DYNC2H1: variants seen among roughly 807,000 people sequenced by gnomAD.
DYNC2H1 encodes the protein cytoplasmic dynein 2 heavy chain 1.
A neutral mutation model predicts 570.0 loss-of-function variants in DYNC2H1; 410 were observed. That is an observed-to-expected ratio of 0.72 (90% confidence interval 0.66 to 0.78). The LOEUF (loss-of-function observed/expected upper bound fraction) is 0.78, where lower values mean the gene tolerates loss of function less well. DYNC2H1 is among the 30% of genes least tolerant of loss of function. The pLI is 0.00. For synonymous variants in DYNC2H1, 1,688 were observed against 1,677.6 expected, an observed-to-expected ratio of 1.01 and a Z score of -0.15; for missense variants, 4,865 against 5,046.4, an observed-to-expected ratio of 0.96 and a Z score of 1.09.
chr11:103,288,880 C>CAAAAAA (rs546404582), intron 75 of DYNC2H1, among the ~76,000 whole-genome samples: 122 of 80,018 alleles, frequency 1.5e-3, no homozygotes, highest in Admixed American at 2.0e-3. Context: ...GACTCAATCT[C>CAAAAAA]AAAAAAAAAA....
intron 60 of DYNC2H1, among the ~76,000 whole-genome samples, chr11:103,231,884 C>A (rs1489567082): frequency 2.6e-5 from 4 of 151,874 alleles, no homozygotes; most frequent in African/African-American, 9.7e-5. Flanking sequence ...CTCTCTCCCC[C>A]TCTCTCTCTT....
intron 84 of DYNC2H1, among the ~76,000 whole-genome samples, chr11:103,433,633 C>T (rs1163732980): frequency 6.6e-6 from 1 of 152,072 alleles, no homozygotes; most frequent in Non-Finnish European, 1.5e-5. Context: ...GCCCTCTAGG[C>T]AGAAATTATT....
chr11:103,301,982 C>G (rs1165156425), intron 75 of DYNC2H1, among the ~76,000 whole-genome samples: 1 of 151,926 alleles, frequency 6.6e-6, no homozygotes. Context: ...TAGCTCAATT[C>G]AAACAAGTAT....
chr11:103,200,191 A>G, intron 50 of DYNC2H1, 37 bp downstream of exon 50: 1 of 1,377,734 alleles, frequency 7.3e-7, no homozygotes, highest in South Asian at 1.4e-5. Context: ...AAATAAAAAT[A>G]ATGGCATAAA....
intron 6 of DYNC2H1, among the ~76,000 whole-genome samples, chr11:103,119,367 T>C (rs943909612): frequency 3.3e-5 from 5 of 152,070 alleles, no homozygotes; most frequent in African/African-American, 1.2e-4. Flanking sequence ...TGAGATGGAA[T>C]CTCGATATGT....
At chr11:103,342,425 GT>G (rs1939501921) in intron 82 of DYNC2H1, among the ~76,000 whole-genome samples, 1 of 151,964 alleles carries the variant, frequency 6.6e-6, no homozygotes, top group Non-Finnish European at 1.5e-5. Context: ...AGCTGCTCCA[GT>G]CCCCTTCCAC....
chr11:103,148,021 C>A lies in DYNC2H1; in HGVS notation c.2818+134C>A, dbSNP rs1860332977. On this transcript the variant is annotated intron_variant, in intron 19 of 88. Coordinates refer to ENST00000375735, the MANE Select transcript of DYNC2H1 (RefSeq NM_001377.3). Reference sequence around the variant, plus strand: ...CTAATTTAAAAAAAGCAGGAAAAGTCCATATTCAATCATTAGGAGGTCTAA... The same window carrying A: ...CTAATTTAAAAAAAGCAGGAAAAGTACATATTCAATCATTAGGAGGTCTAA... 1.2e-5 allele frequency: 8 copies of A among 641,526 alleles called. No individual in the cohort carries two copies. In the Admixed American group the frequency reaches 1.9e-4, roughly 15 times the overall value. The allele number at this position is 641,526 out of a possible 1,614,324, so 39.7% of individuals were successfully genotyped here. A position where few individuals can be genotyped will look rare whatever the true frequency, so the allele number is the denominator to read the frequency against.
intron 29 of DYNC2H1, 28 bp from the exon 30 acceptor site, chr11:103,163,000 T>G: frequency 6.3e-7 from 1 of 1,587,058 alleles, no homozygotes; most frequent in South Asian, 1.1e-5. Context: ...TATGTCTTGT[T>G]TATATTATTT....
chr11:103,375,650 T>C (rs1185628609), intron 83 of DYNC2H1, among the ~76,000 whole-genome samples: 1 of 152,248 alleles, frequency 6.6e-6, no homozygotes, highest in East Asian at 1.9e-4. Context: ...TATTGCATTT[T>C]GGACTTGCAT....
intron 87 of DYNC2H1, among the ~76,000 whole-genome samples, chr11:103,464,079 CAA>C (rs1945110748): frequency 6.6e-6 from 1 of 152,080 alleles, no homozygotes; most frequent in Admixed American, 6.5e-5. Context: ...GGAAAACTAA[CAA>C]AATCATTCAG....
In DYNC2H1 at chr11:103,305,532, G is replaced by A. The variant is rs7930971; in HGVS notation, c.11382+812G>A. Among the ~76,000 whole-genome samples the A allele has an allele frequency of 0.17, 26,306 of 151,992 alleles. 2,469 individuals are homozygous for A. The highest frequency in any genetic ancestry group is 0.26 in the Admixed American group (3,974 of 15,264). ...GGAATTTTTGTCCTGGGACTTAGAG[G>A]GCCAAAGGAGGTCCTTAACAGAGAA... On this transcript the variant is annotated intron_variant, in intron 77 of 88. Transcript: ENST00000375735. This position sits in a 1 kb window ranked among gnomAD's most constrained non-coding sequence, Gnocchi z 4.3.
At chr11:103,431,215 T>TAAA (rs10645288) in intron 84 of DYNC2H1, among the ~76,000 whole-genome samples, 4,552 of 138,388 alleles carry the variant, frequency 0.033, 108 homozygotes, top group Middle Eastern at 0.092. Context: ...TCATTTAGTT[T>TAAA]AAAAAAAAAA....
chr11:103,392,091 C>G (rs191243835), intron 83 of DYNC2H1, among the ~76,000 whole-genome samples: 4 of 152,222 alleles, frequency 2.6e-5, no homozygotes, highest in African/African-American at 4.8e-5. Flanking sequence ...ATGCCCTGCC[C>G]GCAGAGGTGG....
chr11:103,395,263 A>G lies in DYNC2H1; in HGVS notation c.12157-4400A>G, dbSNP rs1942351093. Among the ~76,000 whole-genome samples, 1 of 152,042 alleles carries G rather than the reference A, an allele frequency of 6.6e-6. No homozygotes were observed. The highest frequency in any genetic ancestry group is 1.5e-5 in the Non-Finnish European group (1 of 67,994). On this transcript the variant is annotated intron_variant, in intron 83 of 88. Coordinates refer to ENST00000375735, the MANE Select transcript of DYNC2H1 (RefSeq NM_001377.3). This position sits in a 1 kb window ranked among gnomAD's most constrained non-coding sequence, Gnocchi z 4.3. Reference sequence around the variant, plus strand: ...TGTATATGATTGAAAAGGTGTTAAAATGTTTTTTTCATAGCTTGTTTCAAG... The same window carrying G: ...TGTATATGATTGAAAAGGTGTTAAAGTGTTTTTTTCATAGCTTGTTTCAAG...
chr11:103,220,435 C>CGTCT, intron 56 of DYNC2H1, among the ~76,000 whole-genome samples, 188 bp from the exon 57 acceptor site: 1 of 152,144 alleles, frequency 6.6e-6, no homozygotes, highest in Non-Finnish European at 1.5e-5. Context: ...GGTGGCAAGA[C>CGTCT]GTCTTACTGT....
In DYNC2H1 at chr11:103,325,653, TGTA is replaced by T. The variant is rs1184998991; in HGVS notation, c.12039+1666_12039+1668del. On this transcript the variant is annotated intron_variant, in intron 82 of 88. Coordinates refer to ENST00000375735, the MANE Select transcript of DYNC2H1 (RefSeq NM_001377.3). The surrounding 1 kb of genome is among the most constrained non-coding windows in gnomAD (Gnocchi z 4.8). ...ACTTCTGATTGTATTATGAAATTCTTGTAGTGAATTTTTCCATTCCAGAAGTTC... is the reference window on the plus strand; with the variant it reads ...ACTTCTGATTGTATTATGAAATTCTTGTGAATTTTTCCATTCCAGAAGTTC... Among the ~76,000 whole-genome samples, 3 of 152,214 alleles carry T rather than the reference TGTA, an allele frequency of 2.0e-5. No individual in the cohort carries two copies. The highest frequency in any genetic ancestry group is 4.4e-5 in the Non-Finnish European group (3 of 68,038).
At chr11:103,462,202 C>T (rs1400127638) in intron 87 of DYNC2H1, among the ~76,000 whole-genome samples, 4 of 152,076 alleles carry the variant, frequency 2.6e-5, no homozygotes, top group South Asian at 2.1e-4. Flanking sequence ...GAATGATGTA[C>T]ATTCTGTATT....
At chr11:103,452,272 T>C (rs1944633001) in intron 85 of DYNC2H1, among the ~76,000 whole-genome samples, 1 of 152,118 alleles carries the variant, frequency 6.6e-6, no homozygotes, top group Non-Finnish European at 1.5e-5. Flanking sequence ...ACGCATTTCA[T>C]AAATGTTTGC....
intron 44 of DYNC2H1, 67 bp downstream of exon 44, chr11:103,188,715 A>G: frequency 2.4e-6 from 3 of 1,250,044 alleles, no homozygotes; most frequent in Non-Finnish European, 3.2e-6. Flanking sequence ...ATTTTATTTA[A>G]AGTATTTATG....
Sources: gnomAD v4.1 joint callset for allele counts (sites outside exome capture counted in the v4.1 genomes callset) on GRCh38, gnomAD v4.1.1 for gene constraint, Gnocchi (gnomAD v3.1) non-coding constraint, MANE v1.5 for transcripts, NCBI Gene and HGNC (gene_info 2026-07-23, HGNC 2026-07-21) for gene names.